The following FBXL17 variants were observed in gnomAD, a reference collection of about 807,000 sequenced individuals.
FBXL17 encodes F-box/LRR-repeat protein 17.
FBXL17 carries 22 observed loss-of-function variants against 66.2 expected under a neutral mutation model. That is an observed-to-expected ratio of 0.33 (90% confidence interval 0.24 to 0.47). FBXL17 has a LOEUF of 0.47. Among genes scored for constraint, FBXL17 ranks in the 20% least tolerant of loss-of-function variants. The pLI, the probability that FBXL17 is intolerant of heterozygous loss-of-function variation, is 1.00. For missense variants in FBXL17, 878 were observed against 948.2 expected (o/e 0.93, Z 0.97); for synonymous variants, 474 against 400.5 (o/e 1.18, Z -2.19).
At chr5:108,277,927 T>C (rs972604103) in intron 4 of FBXL17, among the ~76,000 whole-genome samples, 9 of 152,238 alleles carry the variant, frequency 5.9e-5, no homozygotes, top group African/African-American at 2.2e-4. Context: ...ACTAGAAGCA[T>C]TTCAAGCATG....
chr5:107,967,400 T>C (rs1320151256), intron 7 of FBXL17, among the ~76,000 whole-genome samples: 6 of 151,846 alleles, frequency 4.0e-5, no homozygotes, highest in Non-Finnish European at 8.8e-5. Flanking sequence ...TAAGTTTATA[T>C]ACCCTTCTCC....
At chr5:108,366,005 T>C (rs1748635274) in intron 2 of FBXL17, among the ~76,000 whole-genome samples, 1 of 152,156 alleles carries the variant, frequency 6.6e-6, no homozygotes, top group African/African-American at 2.4e-5. Context: ...CATGAAATAG[T>C]ATACATCAGT....
In FBXL17 at chr5:108,341,047, A is replaced by G. The variant is rs547780899; in HGVS notation, c.1506+7352T>C. Reference sequence around the variant, plus strand: ...TCTTGAAGATGAGCACAAGAGATTTATACAATAATTTTATTGCAATACTGC... The same window carrying G: ...TCTTGAAGATGAGCACAAGAGATTTGTACAATAATTTTATTGCAATACTGC... On this transcript the variant is annotated intron_variant, in intron 4 of 8. Coordinates refer to ENST00000542267, the MANE Select transcript of FBXL17 (RefSeq NM_001163315.3). 1.8e-4 allele frequency among the ~76,000 whole-genome samples: 28 copies of G among 152,308 alleles called. No individual in the cohort carries two copies. In the Middle Eastern group the frequency reaches 0.01, roughly 56 times the overall value.
At chr5:107,929,736 G>A (rs996641215) in intron 7 of FBXL17, among the ~76,000 whole-genome samples, 9 of 152,046 alleles carry the variant, frequency 5.9e-5, no homozygotes, top group Non-Finnish European at 1.3e-4. Context: ...AAGACAGAAA[G>A]CCTGTAGGAG....
At chr5:108,032,920 G>C (rs973812563) in intron 6 of FBXL17, among the ~76,000 whole-genome samples, 3 of 152,176 alleles carry the variant, frequency 2.0e-5, no homozygotes, top group African/African-American at 7.2e-5. Context: ...TTAAGATGAT[G>C]TGATTGGATG....
chr5:107,912,459 T>C (rs763807353), intron 7 of FBXL17, among the ~76,000 whole-genome samples: 36 of 152,116 alleles, frequency 2.4e-4, no homozygotes, highest in Non-Finnish European at 7.4e-5. Flanking sequence ...AGTATATTCA[T>C]TTCAAGGTAT....
intron 7 of FBXL17, among the ~76,000 whole-genome samples, chr5:107,944,899 C>T (rs1751230511): frequency 6.6e-6 from 1 of 151,864 alleles, no homozygotes; most frequent in Admixed American, 6.6e-5. Context: ...ATAGAAGAAA[C>T]TGAACAAAGC....
At chr5:108,371,708 A>G (rs764807305) in intron 1 of FBXL17, among the ~76,000 whole-genome samples, 1 of 152,236 alleles carries the variant, frequency 6.6e-6, no homozygotes, top group Non-Finnish European at 1.5e-5. Context: ...CAAATAGAGA[A>G]TATTAATAAA....
At chr5:108,100,179 T>G (rs997868031) in intron 6 of FBXL17, among the ~76,000 whole-genome samples, 4 of 152,206 alleles carry the variant, frequency 2.6e-5, no homozygotes, top group African/African-American at 4.8e-5. Context: ...ATTATTTGCA[T>G]AGCATACAAA....
At chr5:107,886,009 A>G (rs1322427736) in intron 7 of FBXL17, among the ~76,000 whole-genome samples, 1 of 152,204 alleles carries the variant, frequency 6.6e-6, no homozygotes, top group African/African-American at 2.4e-5. Context: ...GAACCCAAAT[A>G]AACAGCATAA....
intron 4 of FBXL17, among the ~76,000 whole-genome samples, chr5:108,276,260 T>C (rs1055025515): frequency 5.9e-5 from 9 of 152,140 alleles, no homozygotes; most frequent in Non-Finnish European, 8.8e-5. Flanking sequence ...TGTTAGAATA[T>C]GAAAACATTA....
At chr5:108,022,457 G>A (rs1409668961) in intron 6 of FBXL17, among the ~76,000 whole-genome samples, 1 of 151,458 alleles carries the variant, frequency 6.6e-6, no homozygotes, top group African/African-American at 2.4e-5. Flanking sequence ...TACAAATAAA[G>A]GCCCTAGACT....
Position 107,861,572 on chromosome 5 carries a change from T to A in FBXL17, c.*148A>T, listed in dbSNP as rs772206394. ...ACAAATGACAACTGCACTTTTGGTATGCAGTATGCAAACAAGACACAAATA... is the reference window on the plus strand; with the variant it reads ...ACAAATGACAACTGCACTTTTGGTAAGCAGTATGCAAACAAGACACAAATA... On this transcript the variant is annotated 3_prime_UTR_variant, in exon 9 of 9. Coordinates refer to ENST00000542267, the MANE Select transcript of FBXL17 (RefSeq NM_001163315.3). 2 of 631,356 alleles carry A rather than the reference T, an allele frequency of 3.2e-6. No individual in the cohort carries two copies. Among genetic ancestry groups the A allele is most frequent in the African/African-American group, 1.9e-5 (1 of 53,000 alleles). The allele number at this position is 631,356 out of a possible 1,614,324, so 39.1% of individuals were successfully genotyped here. A position where few individuals can be genotyped will look rare whatever the true frequency, so the allele number is the denominator to read the frequency against.
intron 5 of FBXL17, among the ~76,000 whole-genome samples, chr5:108,211,054 C>G (rs1754348426): frequency 6.6e-6 from 1 of 152,150 alleles, no homozygotes; most frequent in Admixed American, 6.5e-5. Context: ...GGTCCCTTTA[C>G]CATTATGCAA....
At chr5:108,022,216 T>TA (rs1044839486) in intron 6 of FBXL17, among the ~76,000 whole-genome samples, 8 of 151,898 alleles carry the variant, frequency 5.3e-5, no homozygotes, top group Admixed American at 2.0e-4. Flanking sequence ...AAAAGATCTA[T>TA]AAAAAAATGG....
At chr5:108,107,681 G>A (rs1362647736) in intron 6 of FBXL17, among the ~76,000 whole-genome samples, 16 of 151,560 alleles carry the variant, frequency 1.1e-4, no homozygotes, top group Non-Finnish European at 1.3e-4. Context: ...GCATGGTGGC[G>A]GGCACCTGTA....
intron 4 of FBXL17, among the ~76,000 whole-genome samples, chr5:108,268,615 T>C (rs534014007): frequency 4.2e-4 from 63 of 150,282 alleles, no homozygotes; most frequent in African/African-American, 1.2e-3. Context: ...ACTAAAAAGG[T>C]AGAATTCAAA....
At chr5:108,132,078 G>A (rs1380037528) in intron 6 of FBXL17, among the ~76,000 whole-genome samples, 1 of 151,674 alleles carries the variant, frequency 6.6e-6, no homozygotes, top group African/African-American at 2.4e-5. Context: ...CCAGGTTCAA[G>A]CGATTCTCCT....
intron 4 of FBXL17, among the ~76,000 whole-genome samples, chr5:108,289,412 T>C (rs1285167301): frequency 1.3e-5 from 2 of 152,156 alleles, no homozygotes; most frequent in African/African-American, 4.8e-5. Context: ...TCCTTTGTGC[T>C]GATCTCACAC....
Sources: gnomAD v4.1 joint callset for allele counts (sites outside exome capture counted in the v4.1 genomes callset) on GRCh38, gnomAD v4.1.1 for gene constraint, MANE v1.5 for transcripts, NCBI Gene and HGNC (gene_info 2026-07-23, HGNC 2026-07-21) for gene names.